Variants in KBTBD12 observed in about 807,000 individuals in gnomAD.
KBTBD12 encodes the protein kelch repeat and BTB domain containing 12.
Under a neutral mutation model 58.7 loss-of-function variants are expected in KBTBD12, and 53 were observed. The ratio of observed to expected loss-of-function variants is 0.90; its 90% CI spans 0.72 to 1.14. The LOEUF is 1.14. KBTBD12 is among the 50% of genes most tolerant of loss of function. The probability of loss-of-function intolerance (pLI) is 0.00; values close to 1 mark genes in which losing one functional copy is unlikely to be tolerated. For missense variants in KBTBD12, 704 were observed against 751.3 expected (o/e 0.94, Z 0.74); for synonymous variants, 236 against 259.8 (o/e 0.91, Z 0.88).
chr3:127,945,164 C>CTTTT lies in KBTBD12; in HGVS notation c.1492+14916_1492+14919dup, dbSNP rs56216317. Among the ~76,000 whole-genome samples the CTTTT allele has an allele frequency of 4.9e-4, 14 of 28,772 alleles. 5 individuals are homozygous for CTTTT. Among genetic ancestry groups the CTTTT allele is most frequent in the Non-Finnish European group, 8.9e-4 (13 of 14,564 alleles). The allele number at this position is 28,772 out of a possible 152,430, so 18.9% of individuals were successfully genotyped here. On this transcript the variant is annotated intron_variant, in intron 4 of 5. Coordinates refer to ENST00000405109, the MANE Select transcript of KBTBD12 (RefSeq NM_207335.4). Reference sequence around the variant, plus strand: ...TGTTTTTTTTAAAAATAGTAGCTATCTTTTTTTTTTTTTTTTTTTTTTTTT... The same window carrying CTTTT: ...TGTTTTTTTTAAAAATAGTAGCTATCTTTTTTTTTTTTTTTTTTTTTTTTTTTTT...
At chr3:127,927,622 TTTTCTTGTA>T in intron 2 of KBTBD12, 133 bp from the exon 3 acceptor site, 1 of 600,794 alleles carries the variant, frequency 1.7e-6, no homozygotes, top group East Asian at 2.8e-5. Context: ...ACCTGTGTCA[TTTTCTTGTA>T]TTAATGTTTT....
At chr3:127,977,890 A>G (rs2107617133) in intron 5 of KBTBD12, among the ~76,000 whole-genome samples, 1 of 152,232 alleles carries the variant, frequency 6.6e-6, no homozygotes, top group Middle Eastern at 3.4e-3. Flanking sequence ...CTTTGTCATG[A>G]AATTTTTGCT....
At chr3:127,965,043 C>A (rs1475478179) in intron 5 of KBTBD12, among the ~76,000 whole-genome samples, 2 of 152,188 alleles carry the variant, frequency 1.3e-5, no homozygotes, top group African/African-American at 4.8e-5. Context: ...GGCTGTCCTC[C>A]AGCTTGCTTA....
chr3:127,956,305 A>G (rs1351426079), intron 4 of KBTBD12, among the ~76,000 whole-genome samples: 2 of 152,176 alleles, frequency 1.3e-5, no homozygotes, highest in Non-Finnish European at 2.9e-5. Context: ...TATCATTGAT[A>G]TCCCACAAGT....
chr3:127,984,127 T>G lies in KBTBD12; in HGVS notation c.1721T>G (p.Leu574Trp), dbSNP rs1287134293. The change falls in exon 6 of 6, where the codon TTG becomes TGG. Residue 574 changes from leucine (L) to tryptophan (W), a missense_variant. By Grantham distance (61) the Leu-to-Trp change is moderately conservative. Coordinates refer to ENST00000405109, the MANE Select transcript of KBTBD12 (RefSeq NM_207335.4). ...CATGAGGTTATCTCCAAAGAAATATTGGAACTGGACCCATGGGAAAACCAG... is the reference window on the plus strand; with the variant it reads ...CATGAGGTTATCTCCAAAGAAATATGGGAACTGGACCCATGGGAAAACCAG... Reference protein sequence around the residue: ...DRHEVISKEILELDPWENQWN... With the variant: ...DRHEVISKEIWELDPWENQWN... 6.2e-7 allele frequency: 1 copy of G among 1,613,660 alleles called. No individual in the cohort carries two copies. Among genetic ancestry groups the G allele is most frequent in the Middle Eastern group, 1.6e-4 (1 of 6,082 alleles).
intron 5 of KBTBD12, among the ~76,000 whole-genome samples, chr3:127,978,088 T>C (rs1940816410): frequency 1.3e-5 from 2 of 152,236 alleles, no homozygotes; most frequent in Admixed American, 1.3e-4. Flanking sequence ...TAGAGAGTCC[T>C]TTCCCCATTG....
At chr3:127,928,108 T>C in intron 3 of KBTBD12, 74 bp downstream of exon 3, 1 of 1,265,270 alleles carries the variant, frequency 7.9e-7, no homozygotes, top group South Asian at 1.2e-5. Context: ...ATTGTTGTAG[T>C]TGTTGAATGC....
intron 4 of KBTBD12, among the ~76,000 whole-genome samples, chr3:127,953,571 A>G (rs1940256873): frequency 6.6e-6 from 1 of 152,264 alleles, no homozygotes; most frequent in Non-Finnish European, 1.5e-5. Context: ...TAAAGATTTT[A>G]GAATATGGAC....
intron 4 of KBTBD12, among the ~76,000 whole-genome samples, chr3:127,937,862 T>C (rs551602593): frequency 6.6e-6 from 1 of 152,280 alleles, no homozygotes; most frequent in Admixed American, 6.5e-5. Context: ...ATCTGACTTA[T>C]CAACAGAATA....
intron 4 of KBTBD12, among the ~76,000 whole-genome samples, chr3:127,960,088 T>G (rs996061885): frequency 3.3e-5 from 5 of 152,136 alleles, no homozygotes; most frequent in African/African-American, 1.2e-4. Flanking sequence ...CACCTTGAGG[T>G]GACCCTGCAG....
chr3:127,936,459 G>T (rs1939834182), intron 4 of KBTBD12, among the ~76,000 whole-genome samples: 1 of 152,062 alleles, frequency 6.6e-6, no homozygotes, highest in South Asian at 2.1e-4. Context: ...GGATTAGACT[G>T]AGTATCAGCA....
chr3:127,920,444 G>C (rs985626369), intron 1 of KBTBD12, among the ~76,000 whole-genome samples: 1 of 145,840 alleles, frequency 6.9e-6, no homozygotes, highest in African/African-American at 2.5e-5. Flanking sequence ...ACTACAATCT[G>C]ATCTCCTATT....
intron 3 of KBTBD12, chr3:127,928,249 A>G (rs573043336): frequency 1.0e-4 from 56 of 545,684 alleles, no homozygotes; most frequent in Admixed American, 5.9e-4. Flanking sequence ...GACTTGATTC[A>G]GTTTTCATGC....
At position 127,957,913 on chromosome 3, in the gene KBTBD12, A is replaced by C. The variant is rs144064430; in HGVS notation, c.1493-5276A>C. 1.5e-3 allele frequency among the ~76,000 whole-genome samples: 228 copies of C among 152,306 alleles called. 2 individuals are homozygous for C. Among genetic ancestry groups the C allele is most frequent in the African/African-American group, 5.1e-3 (214 of 41,562 alleles). On this transcript the variant is annotated intron_variant, in intron 4 of 5. Transcript: ENST00000405109. Reference sequence around the variant, plus strand: ...GGACAGTGGAAGCCTAAAAAGAGGGAATGGCCAATTCTGTGTAGAGACATG... The same window carrying C: ...GGACAGTGGAAGCCTAAAAAGAGGGCATGGCCAATTCTGTGTAGAGACATG...
intron 4 of KBTBD12, among the ~76,000 whole-genome samples, chr3:127,931,458 A>T (rs1939698941): frequency 6.6e-6 from 1 of 152,084 alleles, no homozygotes; most frequent in African/African-American, 2.4e-5. Flanking sequence ...TCCCTAACCT[A>T]TGATAGATCA....
At chr3:127,957,091 G>A (rs1940334487) in intron 4 of KBTBD12, among the ~76,000 whole-genome samples, 1 of 152,136 alleles carries the variant, frequency 6.6e-6, no homozygotes, top group African/African-American at 2.4e-5. Flanking sequence ...GGAGTAATAT[G>A]TACTATCTTT....
intron 1 of KBTBD12, among the ~76,000 whole-genome samples, chr3:127,921,506 A>G (rs1392478824): frequency 6.6e-6 from 1 of 152,148 alleles, no homozygotes; most frequent in Non-Finnish European, 1.5e-5. Flanking sequence ...TCTTCTATGT[A>G]CCTTATATGT....
At chr3:127,921,681 A>G (rs1026193807) in intron 1 of KBTBD12, among the ~76,000 whole-genome samples, 2 of 152,178 alleles carry the variant, frequency 1.3e-5, no homozygotes, top group Non-Finnish European at 2.9e-5. Flanking sequence ...AAGGGATACA[A>G]CAAATACATA....
intron 5 of KBTBD12, among the ~76,000 whole-genome samples, chr3:127,983,568 C>T (rs1375600823): frequency 6.6e-6 from 1 of 152,102 alleles, no homozygotes; most frequent in Non-Finnish European, 1.5e-5. Context: ...GCCTGACTAA[C>T]ATGATGAAAC....
Sources: gnomAD v4.1 joint callset for allele counts (sites outside exome capture counted in the v4.1 genomes callset) on GRCh38, gnomAD v4.1.1 for gene constraint, MANE v1.5 for transcripts, NCBI Gene and HGNC (gene_info 2026-07-23, HGNC 2026-07-21) for gene names.